The following DENND1A variants were observed in gnomAD, a reference collection of about 807,000 sequenced individuals.
DENND1A encodes DENN domain containing 1A.
A neutral mutation model predicts 113.7 loss-of-function variants in DENND1A; 51 were observed. The observed-to-expected ratio is 0.45, with a 90% CI of 0.36 to 0.57. The LOEUF is 0.57. DENND1A is among the 20% of genes least tolerant of loss of function. The pLI is 0.00. For synonymous variants in DENND1A, 565 were observed against 570.8 expected (o/e 0.99, Z 0.14); for missense variants, 1,258 against 1,395.9 (o/e 0.90, Z 1.57).
chr9:123,458,003 CCTTT>C (rs2048266728), intron 13 of DENND1A, 106 bp from the exon 14 acceptor site: 1 of 783,360 alleles, frequency 1.3e-6, no homozygotes. Flanking sequence ...TTTTTCTTTT[CCTTT>C]TTTTTTTTTT....
chr9:123,562,461 A>G (rs2057813673), intron 12 of DENND1A, among the ~76,000 whole-genome samples: 1 of 152,234 alleles, frequency 6.6e-6, no homozygotes. Context: ...TACTCTATGA[A>G]CTGACACAAA....
intron 5 of DENND1A, among the ~76,000 whole-genome samples, chr9:123,741,375 C>A (rs1285995910): frequency 6.6e-6 from 1 of 152,204 alleles, no homozygotes; most frequent in African/African-American, 2.4e-5. Flanking sequence ...CTTCCCTACC[C>A]ACCATCAATG....
At chr9:123,897,805 C>T (rs1588136895) in intron 1 of DENND1A, among the ~76,000 whole-genome samples, 1 of 151,812 alleles carries the variant, frequency 6.6e-6, no homozygotes, top group African/African-American at 2.4e-5. Context: ...CAGTCTCCAC[C>T]AAAAATTTAA....
At chr9:123,781,742 T>C (rs1831351510) in intron 3 of DENND1A, among the ~76,000 whole-genome samples, 1 of 152,106 alleles carries the variant, frequency 6.6e-6, no homozygotes, top group Admixed American at 6.5e-5. Context: ...CATGGGGATA[T>C]TTGCCTCCTA....
At chr9:123,865,448 C>A (rs571260666) in intron 2 of DENND1A, among the ~76,000 whole-genome samples, 1 of 151,678 alleles carries the variant, frequency 6.6e-6, no homozygotes, top group African/African-American at 2.4e-5. Context: ...TTCCCAAGGC[C>A]CTGGGCCTGG....
intron 13 of DENND1A, among the ~76,000 whole-genome samples, chr9:123,496,017 A>T (rs1425498250): frequency 1.3e-5 from 2 of 152,266 alleles, no homozygotes; most frequent in Non-Finnish European, 2.9e-5. Flanking sequence ...CATCAGGATC[A>T]AACTTCAGTC....
At chr9:123,704,765 C>CA (rs1186458232) in intron 5 of DENND1A, among the ~76,000 whole-genome samples, 7 of 152,136 alleles carry the variant, frequency 4.6e-5, no homozygotes, top group African/African-American at 1.7e-4. Flanking sequence ...AGACTACCAA[C>CA]AGCCAAGCAG....
intron 13 of DENND1A, among the ~76,000 whole-genome samples, chr9:123,470,826 G>C (rs931667872): frequency 6.6e-6 from 1 of 152,144 alleles, no homozygotes; most frequent in Non-Finnish European, 1.5e-5. Flanking sequence ...TTATTTATTA[G>C]CCCCATGACT....
At chr9:123,699,403 T>C (rs2065734250) in intron 5 of DENND1A, among the ~76,000 whole-genome samples, 1 of 152,154 alleles carries the variant, frequency 6.6e-6, no homozygotes. Flanking sequence ...ATTACATATA[T>C]TATAAGACAA....
chr9:123,777,756 T>C (rs73667924), intron 3 of DENND1A, among the ~76,000 whole-genome samples: 2,415 of 152,320 alleles, frequency 0.016, 69 homozygotes, highest in African/African-American at 0.056. Flanking sequence ...GCTTTATTTA[T>C]CCAGTGGCAG....
At chr9:123,880,354 T>C (rs1211036674) in intron 1 of DENND1A, among the ~76,000 whole-genome samples, 1 of 152,230 alleles carries the variant, frequency 6.6e-6, no homozygotes, top group Non-Finnish European at 1.5e-5. Flanking sequence ...TGGTTAATTC[T>C]AGATAATAAG....
At chr9:123,455,623 C>T (rs560456356) in intron 15 of DENND1A, among the ~76,000 whole-genome samples, 1 of 152,296 alleles carries the variant, frequency 6.6e-6, no homozygotes, top group Non-Finnish European at 1.5e-5. Flanking sequence ...TGAGGGGCAC[C>T]AGAACAGGAA....
intron 9 of DENND1A, among the ~76,000 whole-genome samples, chr9:123,646,492 T>C (rs540695013): frequency 1.3e-5 from 2 of 152,148 alleles, no homozygotes; most frequent in Non-Finnish European, 2.9e-5. Flanking sequence ...AAAATAATAA[T>C]AGATGCAGGA....
chr9:123,891,649 G>C (rs1005640577), intron 1 of DENND1A, among the ~76,000 whole-genome samples: 1 of 151,972 alleles, frequency 6.6e-6, no homozygotes, highest in African/African-American at 2.4e-5. Flanking sequence ...AAATAAAATC[G>C]TACTAAATCA....
chr9:123,903,515 G>A (rs1054365620), intron 1 of DENND1A, among the ~76,000 whole-genome samples: 1 of 152,076 alleles, frequency 6.6e-6, no homozygotes, highest in African/African-American at 2.4e-5. Flanking sequence ...GTGGGTGCGG[G>A]CACCGTGCAC....
chr9:123,480,996 A>C (rs1458778609), intron 13 of DENND1A, among the ~76,000 whole-genome samples: 1 of 152,262 alleles, frequency 6.6e-6, no homozygotes, highest in Non-Finnish European at 1.5e-5. Context: ...AAAAATTCAT[A>C]GAATGCACTT....
At chr9:123,495,595 G>A (rs2051841949) in intron 13 of DENND1A, among the ~76,000 whole-genome samples, 2 of 152,332 alleles carry the variant, frequency 1.3e-5, no homozygotes, top group East Asian at 1.9e-4. Context: ...CATCTTGAGA[G>A]AACCCACCGA....
At chr9:123,414,525 C>T in intron 19 of DENND1A, 1 of 1,548,826 alleles carries the variant, frequency 6.5e-7, no homozygotes, top group Non-Finnish European at 8.7e-7. Context: ...AAAGGAGGTT[C>T]CCCAGCCAGG....
intron 2 of DENND1A, chr9:123,798,553 CA>C (rs1408146040): frequency 6.6e-6 from 1 of 152,064 alleles, no homozygotes; most frequent in Non-Finnish European, 1.5e-5. Flanking sequence ...TTTTAACCAG[CA>C]AATGCCACTA....
Sources: allele counts gnomAD v4.1 joint callset (sites outside exome capture counted in the v4.1 genomes callset), GRCh38; gene constraint gnomAD v4.1.1; transcripts MANE v1.5; gene names NCBI Gene and HGNC (gene_info 2026-07-23, HGNC 2026-07-21).